DYNC2I2: variants seen among roughly 807,000 people sequenced by gnomAD.
DYNC2I2 encodes dynein 2 intermediate chain 2, also known as cytoplasmic dynein 2 intermediate chain 2.
A neutral mutation model predicts 52.0 loss-of-function variants in DYNC2I2; 39 were observed. The ratio of observed to expected loss-of-function variants is 0.75; its 90% CI spans 0.58 to 0.98. The LOEUF is 0.98. DYNC2I2 is among the 50% of genes least tolerant of loss of function. DYNC2I2 has a pLI of 0.00. For synonymous variants in DYNC2I2, 359 were observed against 321.1 expected (o/e 1.12, Z -1.26); for missense variants, 743 against 728.4 (o/e 1.02, Z -0.23).
At chr9:128,678,771 T>C in the DYNC2I2 span, among the ~76,000 whole-genome samples, 1 of 150,316 alleles carries the variant, frequency 6.7e-6, no homozygotes. Context: ...CAGGTAATCT[T>C]ATAATAAAAC....
In DYNC2I2 at chr9:128,651,876, C is replaced by T. The variant is rs1320685065; in HGVS notation, c.186+4665G>A. The T allele has an allele frequency of 1.1e-4, 16 of 140,916 alleles. 1 individual carries two copies. Among genetic ancestry groups the T allele is most frequent in the African/African-American group, 4.4e-4 (16 of 36,210 alleles). 8.7% of individuals were successfully genotyped at this position (140,916 alleles called of 1,614,324 possible). A position where few individuals can be genotyped will look rare whatever the true frequency, so the allele number is the denominator to read the frequency against. ...GTTGCAGTGAGCTGAGATAGCACCA[C>T]TGCACTCCAGCCTGGGTGACTGAGT... On this transcript the variant is annotated intron_variant, in intron 1 of 8. Transcript: ENST00000372715.
At chr9:128,641,483 T>C (rs1430490837) in intron 1 of DYNC2I2, among the ~76,000 whole-genome samples, 1 of 152,150 alleles carries the variant, frequency 6.6e-6, no homozygotes, top group Non-Finnish European at 1.5e-5. Context: ...CTCTCCACCC[T>C]GCCACCACGC....
chr9:128,658,005 A>G (rs950647658), upstream of DYNC2I2, among the ~76,000 whole-genome samples: 2 of 152,052 alleles, frequency 1.3e-5, no homozygotes, highest in African/African-American at 2.4e-5. Flanking sequence ...AGGTGAGAGG[A>G]TCCCTGGAGT....
chr9:128,681,334 A>C, the DYNC2I2 span, among the ~76,000 whole-genome samples: 1 of 149,010 alleles, frequency 6.7e-6, no homozygotes, highest in Non-Finnish European at 1.5e-5. Context: ...CAGGTGATCC[A>C]CCTGCCTTGG....
At chr9:128,636,567 T>C (rs930193752) in intron 3 of DYNC2I2, 129 bp from the exon 4 acceptor site, 17 of 1,131,018 alleles carry the variant, frequency 1.5e-5, no homozygotes, top group African/African-American at 9.3e-5. Context: ...ACTCTGGGTA[T>C]TGAAGTGGCC....
chr9:128,658,721 A>ATTTTTTTTT (rs746310535), upstream of DYNC2I2, among the ~76,000 whole-genome samples: 2 of 91,552 alleles, frequency 2.2e-5, no homozygotes, highest in Non-Finnish European at 4.1e-5. Flanking sequence ...ACCTGACCTA[A>ATTTTTTTTT]TTTTTTTTTT....
the DYNC2I2 span, among the ~76,000 whole-genome samples, chr9:128,681,588 A>C: frequency 0.88 from 133,151 of 152,172 alleles, 60,442 homozygotes; most frequent in Non-Finnish European, 0.99. Flanking sequence ...TGTAGGGAGG[A>C]GTACCATTGC....
intron 1 of DYNC2I2, among the ~76,000 whole-genome samples, chr9:128,652,999 C>T (rs1375914835): frequency 1.3e-5 from 2 of 149,942 alleles, no homozygotes; most frequent in Admixed American, 1.3e-4. Flanking sequence ...GAGGCTGAGG[C>T]GGGTGGATCA....
At chr9:128,677,362 A>G in the DYNC2I2 span, among the ~76,000 whole-genome samples, 1 of 152,102 alleles carries the variant, frequency 6.6e-6, no homozygotes, top group African/African-American at 2.4e-5. Flanking sequence ...GCTTATGCCT[A>G]TATTCCCAGC....
chr9:128,665,451 C>T, the DYNC2I2 span, among the ~76,000 whole-genome samples: 5 of 152,030 alleles, frequency 3.3e-5, no homozygotes, highest in African/African-American at 1.2e-4. Flanking sequence ...ATAAAAAGTA[C>T]TTAATCAACA....
intron 1 of DYNC2I2, among the ~76,000 whole-genome samples, chr9:128,655,227 C>A (rs1412588914): frequency 6.6e-6 from 1 of 150,628 alleles, no homozygotes; most frequent in Non-Finnish European, 1.5e-5. Flanking sequence ...TGGGCCGGCG[C>A]GGTGGCTCAC....
At chr9:128,673,833 A>G in the DYNC2I2 span, among the ~76,000 whole-genome samples, 14 of 133,134 alleles carry the variant, frequency 1.1e-4, no homozygotes, top group South Asian at 2.2e-3. Flanking sequence ...TTTGAGATGA[A>G]GTTTCACTCT....
rs553614603 is a variant in DYNC2I2, at chr9:128,637,605, G to T, written c.436-578C>A. On this transcript the variant is annotated intron_variant, in intron 2 of 8. Coordinates refer to ENST00000372715, the MANE Select transcript of DYNC2I2 (RefSeq NM_052844.4). Reference sequence around the variant, plus strand: ...TTACAGGCGCGTGCCACCAAACCTGGATAATTTTTATATTTTTATCAGAGA... The same window carrying T: ...TTACAGGCGCGTGCCACCAAACCTGTATAATTTTTATATTTTTATCAGAGA... 4.7e-4 allele frequency among the ~76,000 whole-genome samples: 72 copies of T among 152,204 alleles called. No homozygotes were observed. The South Asian group carries it at 0.011, about 23-fold the overall frequency.
chr9:128,635,515 G>T lies in DYNC2I2; in HGVS notation c.813+143C>A, dbSNP rs528111332. ...GGGCCCTGGGAGTGGCTCCTGAGGG[G>T]GGTGACTCATGCTGCGGGAGCTCCG... On this transcript the variant is annotated intron_variant, in intron 5 of 8. Coordinates refer to ENST00000372715, the MANE Select transcript of DYNC2I2 (RefSeq NM_052844.4). The T allele has an allele frequency of 2.8e-4, 231 of 838,778 alleles. 1 individual carries two copies. Among genetic ancestry groups the T allele is most frequent in the Admixed American group, 4.2e-4 (18 of 42,822 alleles). 52.0% of individuals were successfully genotyped at this position (838,778 alleles called of 1,614,324 possible). A position where few individuals can be genotyped will look rare whatever the true frequency, so the allele number is the denominator to read the frequency against.
At chr9:128,654,850 A>G (rs1860785466) in intron 1 of DYNC2I2, among the ~76,000 whole-genome samples, 2 of 151,932 alleles carry the variant, frequency 1.3e-5, no homozygotes, top group Non-Finnish European at 2.9e-5. Flanking sequence ...CACCCTCTCA[A>G]TCCCCAACCC....
intron 4 of DYNC2I2, 169 bp from the exon 5 acceptor site, chr9:128,635,936 G>C: frequency 4.3e-6 from 3 of 700,582 alleles, no homozygotes; most frequent in South Asian, 1.8e-5. Flanking sequence ...CAGCTCCCCT[G>C]TTGTACCCCA....
At chr9:128,637,632 G>A (rs901080389) in intron 2 of DYNC2I2, among the ~76,000 whole-genome samples, 39 of 152,038 alleles carry the variant, frequency 2.6e-4, no homozygotes, top group Admixed American at 2.4e-3. Context: ...TATCAGAGAC[G>A]GGGTTTCACC....
At chr9:128,648,668 C>T (rs902690686) in intron 1 of DYNC2I2, among the ~76,000 whole-genome samples, 3 of 150,012 alleles carry the variant, frequency 2.0e-5, no homozygotes, top group East Asian at 3.9e-4. Flanking sequence ...AGCGTGTTGG[C>T]GGGCAACTGT....
chr9:128,641,976 T>TACATAC (rs1554771905), intron 1 of DYNC2I2, among the ~76,000 whole-genome samples: 1 of 147,080 alleles, frequency 6.8e-6, no homozygotes, highest in African/African-American at 2.5e-5. Context: ...TTTATATACA[T>TACATAC]ACACACACAC....
Sources: allele counts gnomAD v4.1 joint callset (sites outside exome capture counted in the v4.1 genomes callset), GRCh38; gene constraint gnomAD v4.1.1; transcripts MANE v1.5; gene names NCBI Gene and HGNC (gene_info 2026-07-23, HGNC 2026-07-21).